PRKAG2: variants seen among roughly 807,000 people sequenced by gnomAD.
PRKAG2 encodes 5'-AMP-activated protein kinase subunit gamma-2.
In PRKAG2, 26 loss-of-function variants were observed where a neutral mutation model predicts 69.6. The ratio of observed to expected loss-of-function variants is 0.37; its 90% confidence interval spans 0.27 to 0.52. The LOEUF (loss-of-function observed/expected upper bound fraction) is 0.52, where lower values mean the gene tolerates loss of function less well. Among genes scored for constraint, PRKAG2 ranks in the 20% least tolerant of loss-of-function variants. The pLI is 0.90. For missense variants in PRKAG2, 557 were observed against 740.0 expected, an observed-to-expected ratio of 0.75 and a Z score of 2.87; for synonymous variants, 293 against 285.0, an observed-to-expected ratio of 1.03 and a Z score of -0.28.
chr7:151,675,694 G>T, intron 3 of PRKAG2, 57 bp from the exon 4 acceptor site: 1 of 1,518,486 alleles, frequency 6.6e-7, no homozygotes, highest in Non-Finnish European at 9.1e-7. Flanking sequence ...GGGACGTCGG[G>T]GGTGGTCAGA....
At chr7:151,610,422 T>G (rs930363225) in intron 5 of PRKAG2, among the ~76,000 whole-genome samples, 4 of 151,618 alleles carry the variant, frequency 2.6e-5, no homozygotes, top group South Asian at 2.1e-4. Context: ...CTTACGGCTG[T>G]AATCCCAGCA....
chr7:151,636,582 G>A (rs1825773775), intron 4 of PRKAG2, among the ~76,000 whole-genome samples: 1 of 152,162 alleles, frequency 6.6e-6, no homozygotes. Flanking sequence ...CCACTTTTTG[G>A]CTGTGGTGAA....
chr7:151,781,123 C>T lies in PRKAG2; in HGVS notation c.466+29G>A. On this transcript the variant is annotated intron_variant, in intron 3 of 15. Transcript: ENST00000287878. This position sits in a 1 kb window ranked among gnomAD's most constrained non-coding sequence, Gnocchi z 6.1. The stretch of plus-strand genomic sequence containing the variant: ...AAGAGACCCCCAGCACCCCAGCACC[C>T]ACCTGAAACAATAGCATCAAGGTCT... The T allele has an allele frequency of 6.2e-7, 1 of 1,613,080 alleles. No individual in the cohort carries two copies. The highest frequency in any genetic ancestry group is 8.5e-7 in the Non-Finnish European group (1 of 1,179,950).
At chr7:151,586,934 G>A (rs1811811935) in intron 6 of PRKAG2, among the ~76,000 whole-genome samples, 1 of 152,152 alleles carries the variant, frequency 6.6e-6, no homozygotes, top group Admixed American at 6.5e-5. Context: ...TTCAAGGTGG[G>A]TGGATCACTT....
intron 6 of PRKAG2, among the ~76,000 whole-genome samples, chr7:151,588,684 T>G (rs1474368514): frequency 6.6e-6 from 1 of 151,356 alleles, no homozygotes; most frequent in Non-Finnish European, 1.5e-5. Flanking sequence ...TAAAGAGGAG[T>G]TCCCCTGCAC....
chr7:151,714,440 C>T (rs763224501), intron 3 of PRKAG2, among the ~76,000 whole-genome samples: 8 of 70,508 alleles, frequency 1.1e-4, no homozygotes, highest in South Asian at 1.0e-3. Context: ...TCCTCCCATC[C>T]GCGACCCGCC....
At chr7:151,656,837 A>C (rs1829492315) in intron 4 of PRKAG2, among the ~76,000 whole-genome samples, 1 of 151,996 alleles carries the variant, frequency 6.6e-6, no homozygotes, top group South Asian at 2.1e-4. Context: ...CAAAGGTAAA[A>C]CCTCAAAAGC....
intron 4 of PRKAG2, among the ~76,000 whole-genome samples, chr7:151,669,834 G>A (rs1030302710): frequency 2.8e-5 from 1 of 35,924 alleles, no homozygotes; most frequent in African/African-American, 1.3e-4. Context: ...GCACCTGCAG[G>A]CACACACCTG....
intron 3 of PRKAG2, among the ~76,000 whole-genome samples, chr7:151,682,745 C>T (rs1009694056): frequency 1.3e-5 from 2 of 151,818 alleles, no homozygotes; most frequent in African/African-American, 4.8e-5. Context: ...AAAAAATCAG[C>T]CCCAACACCA....
At chr7:151,592,522 C>T (rs75388874) in intron 6 of PRKAG2, among the ~76,000 whole-genome samples, 13,739 of 152,192 alleles carry the variant, frequency 0.09, 880 homozygotes, top group Non-Finnish European at 0.13. Context: ...CTGCTCTCCT[C>T]TCATTGGCTC....
intron 15 of PRKAG2, chr7:151,557,922 T>C: frequency 1.0e-6 from 1 of 983,270 alleles, no homozygotes; most frequent in Non-Finnish European, 1.2e-6. Flanking sequence ...TTTATAAATA[T>C]TCTGAAGGAT....
At chr7:151,703,189 C>T (rs947498803) in intron 3 of PRKAG2, among the ~76,000 whole-genome samples, 9 of 152,150 alleles carry the variant, frequency 5.9e-5, no homozygotes, top group South Asian at 2.1e-4. Flanking sequence ...CATCAGCGCG[C>T]GCGAAGCAAA....
chr7:151,568,897 T>G, intron 10 of PRKAG2, 55 bp from the exon 11 acceptor site: 1 of 1,599,906 alleles, frequency 6.3e-7, no homozygotes. Context: ...ATCAGAACAC[T>G]TTGGACTACC....
At chr7:151,754,875 A>T (rs765516773) in intron 3 of PRKAG2, among the ~76,000 whole-genome samples, 4 of 151,806 alleles carry the variant, frequency 2.6e-5, no homozygotes, top group Non-Finnish European at 5.9e-5. Flanking sequence ...CCACTGTGGT[A>T]TTGGAAAGTT....
chr7:151,649,913 T>C (rs1450898414), intron 4 of PRKAG2, among the ~76,000 whole-genome samples: 1 of 152,152 alleles, frequency 6.6e-6, no homozygotes, highest in Non-Finnish European at 1.5e-5. Context: ...AATGGACTCA[T>C]ACAGTGCTTT....
chr7:151,839,095 C>T (rs6950343), intron 1 of PRKAG2, among the ~76,000 whole-genome samples: 12,807 of 151,972 alleles, frequency 0.084, 912 homozygotes, highest in East Asian at 0.38. Flanking sequence ...ACACCTCAGC[C>T]GGGCCATTTC....
chr7:151,753,885 T>C lies in PRKAG2; in HGVS notation c.466+27267A>G, dbSNP rs191397663. ...CCCATCTCTACAAAATATTTAAAAA[T>C]TAGCCGGGCATGATGGTGCACACCT... On this transcript the variant is annotated intron_variant, in intron 3 of 15. Coordinates refer to ENST00000287878, the MANE Select transcript of PRKAG2 (RefSeq NM_016203.4). 8.9e-3 allele frequency among the ~76,000 whole-genome samples: 1,354 copies of C among 152,166 alleles called. 7 individuals are homozygous for C. The highest frequency in any genetic ancestry group is 0.016 in the Non-Finnish European group (1,087 of 68,006).
intron 1 of PRKAG2, among the ~76,000 whole-genome samples, chr7:151,811,106 C>T (rs924326922): frequency 7.2e-5 from 11 of 152,206 alleles, no homozygotes; most frequent in Middle Eastern, 3.2e-3. Context: ...ACAGCCCTCT[C>T]GCCTCAGTCG....
chr7:151,663,053 C>T (rs1005271117), intron 4 of PRKAG2, among the ~76,000 whole-genome samples: 6 of 152,060 alleles, frequency 3.9e-5, no homozygotes, highest in African/African-American at 9.7e-5. Context: ...CATGGCAAAA[C>T]GCTGGTCTCT....
Sources: allele counts gnomAD v4.1 joint callset (sites outside exome capture counted in the v4.1 genomes callset), GRCh38; gene constraint gnomAD v4.1.1; non-coding constraint Gnocchi (gnomAD v3.1); transcripts MANE v1.5; gene names NCBI Gene and HGNC (gene_info 2026-07-23, HGNC 2026-07-21).